Variants in ERAL1 observed in about 807,000 individuals in gnomAD.
The protein encoded by ERAL1 is Era like 12S mitochondrial rRNA chaperone 1.
ERAL1 carries 36 observed loss-of-function variants against 53.6 expected under a neutral mutation model. The ratio of observed to expected loss-of-function variants is 0.67; its 90% CI spans 0.51 to 0.89. The LOEUF is 0.89. ERAL1 is among the 40% of genes least tolerant of loss of function. ERAL1 has a pLI of 0.00. For synonymous variants in ERAL1, 215 were observed against 211.8 expected (o/e 1.02, Z -0.13); for missense variants, 512 against 537.5 (o/e 0.95, Z 0.47).
At chr17:28,860,011 T>C (rs2039288850) in intron 9 of ERAL1, among the ~76,000 whole-genome samples, 1 of 151,658 alleles carries the variant, frequency 6.6e-6, no homozygotes, top group African/African-American at 2.4e-5. Flanking sequence ...GTTCTTGCTC[T>C]GTCACTCAGG....
chr17:28,856,706 T>A, intron 3 of ERAL1, 124 bp downstream of exon 3: 1 of 856,876 alleles, frequency 1.2e-6, no homozygotes. Context: ...GGGGTTTCTT[T>A]TCTTTTTCTT....
rs762253323 is a variant in ERAL1, at chr17:28,858,617, G to A, written c.753G>A (p.Thr251=). 55 of 1,614,018 alleles carry A rather than the reference G, an allele frequency of 3.4e-5. No individual in the cohort carries two copies. The highest frequency in any genetic ancestry group is 2.5e-4 in the East Asian group (11 of 44,894). ...LKQKSVLLEL[T]AALTEGVVNG... ...AGAAGTCAGTTCTCCTGGAGCTCACGGCAGCCCTCACTGAAGGTGTGGTCA... is the reference window on the plus strand; with the variant it reads ...AGAAGTCAGTTCTCCTGGAGCTCACAGCAGCCCTCACTGAAGGTGTGGTCA... Residue 251 remains threonine (T), a synonymous_variant, in exon 7 of 10, where the codon ACG becomes ACA. Transcript: ENST00000254928.
intron 3 of ERAL1, 73 bp from the exon 4 acceptor site, chr17:28,857,866 G>A (rs1371444078): frequency 1.3e-6 from 2 of 1,517,196 alleles, no homozygotes; most frequent in African/African-American, 2.7e-5. Flanking sequence ...TGACATCACA[G>A]GTAGCCTCTC....
chr17:28,856,866 C>A (rs1237209911), intron 3 of ERAL1, among the ~76,000 whole-genome samples: 1 of 151,614 alleles, frequency 6.6e-6, no homozygotes, highest in Non-Finnish European at 1.5e-5. Flanking sequence ...CGCCTGCCAC[C>A]ACACCCAGCT....
rs1017688548 is a variant in ERAL1 at position 28,859,096 on chromosome 17, C to T, written c.1093C>T (p.Pro365Ser). 5.0e-6 allele frequency: 8 copies of T among 1,614,022 alleles called. No individual in the cohort carries two copies. The highest frequency in any genetic ancestry group is 6.8e-6 in the Non-Finnish European group (8 of 1,180,014). ...CCTAGAACACCTGCCCCAGGAGGTG[C>T]CTTACAATGTACAGCAGGTACAGAG... The part of the protein sequence containing the change: ...KLLEHLPQEV[P>S]YNVQQKTAVW... The change falls in exon 8 of 10, where the codon CCT (proline) becomes TCT (serine). Residue 365 changes from proline (P) to serine (S), a missense_variant. By Grantham distance (74) the Pro-to-Ser change is moderately conservative. Coordinates refer to ENST00000254928, the MANE Select transcript of ERAL1 (RefSeq NM_005702.4).
chr17:28,856,638 TCTCC>T (rs778045156), intron 3 of ERAL1, 56 bp downstream of exon 3: 14 of 1,486,366 alleles, frequency 9.4e-6, no homozygotes, highest in Non-Finnish European at 6.6e-6. Flanking sequence ...GCTAAGAGGG[TCTCC>T]CTTACCATCA....
intron 2 of ERAL1, 49 bp from the exon 3 acceptor site, chr17:28,856,456 G>A: frequency 6.2e-7 from 1 of 1,612,864 alleles, no homozygotes; most frequent in Non-Finnish European, 8.5e-7. Flanking sequence ...CTTCAAGGAT[G>A]GTCTTGGAGG....
chr17:28,857,192 C>T (rs527973354), intron 3 of ERAL1, among the ~76,000 whole-genome samples: 308 of 151,098 alleles, frequency 2.0e-3, no homozygotes, highest in Non-Finnish European at 3.5e-3. Flanking sequence ...ACTACAACCT[C>T]TGCCTCCCGG....
rs754060134 is a variant in ERAL1 at position 28,855,065 on chromosome 17, C to G, written c.31C>G (p.Leu11Val). 3.1e-6 allele frequency: 5 copies of G among 1,611,138 alleles called. No individual in the cohort carries two copies. Among genetic ancestry groups the G allele is most frequent in the Non-Finnish European group, 8.5e-7 (1 of 1,178,068 alleles). The change falls in exon 1 of 10, where the codon CTT becomes GTT. Residue 11 changes from leucine (L) to valine (V), a missense_variant. Leu to Val is a conservative substitution (Grantham distance 32, BLOSUM62 1). Coordinates refer to ENST00000254928, the MANE Select transcript of ERAL1 (RefSeq NM_005702.4). MAAPSWRGAR[L>V]VQSVLRVWQV... ...TGCCCCCAGCTGGCGCGGGGCTAGG[C>G]TTGTTCAATCGGTGTTAAGAGTCTG...
chr17:28,855,439 A>G, intron 1 of ERAL1, 122 bp downstream of exon 1: 1 of 1,167,400 alleles, frequency 8.6e-7, no homozygotes, highest in Non-Finnish European at 1.2e-6. Context: ...AGGGAGGAGC[A>G]GTGAAAAATC....
chr17:28,856,449 C>G (rs1412023629), intron 2 of ERAL1, 56 bp from the exon 3 acceptor site: 1 of 1,613,522 alleles, frequency 6.2e-7, no homozygotes, highest in Non-Finnish European at 8.5e-7. Flanking sequence ...GCCATGCCTT[C>G]AAGGATGGTC....
chr17:28,858,153 C>G lies in ERAL1; in HGVS notation c.544C>G (p.Leu182Val). Residue 182 changes from leucine to valine, a missense_variant, in exon 5 of 10, where the codon CTG becomes GTG. Leu to Val is a conservative substitution (Grantham distance 32). Transcript: ENST00000254928. ...ISPGKQKRHH[L>V]ELSLLEDPWK... ...TGTATGTCTGTCCCTCAGGCATCACCTGGAGCTCTCTTTGTTGGAAGATCC... is the reference window on the plus strand; with the variant it reads ...TGTATGTCTGTCCCTCAGGCATCACGTGGAGCTCTCTTTGTTGGAAGATCC... 5 of 1,614,092 alleles carry G rather than the reference C, an allele frequency of 3.1e-6. No homozygotes were observed. The highest frequency in any genetic ancestry group is 4.2e-6 in the Non-Finnish European group (5 of 1,180,026).
At chr17:28,857,801 CA>C in intron 3 of ERAL1, 137 bp from the exon 4 acceptor site, 1 of 1,020,292 alleles carries the variant, frequency 9.8e-7, no homozygotes, top group South Asian at 1.5e-5. Context: ...CAGAAAAAAA[CA>C]AAAAACAAAC....
rs2039274936 is a variant in ERAL1 at position 28,858,992 on chromosome 17, G to T, written c.989G>T (p.Gly330Val). 4 of 1,614,000 alleles carry T rather than the reference G, an allele frequency of 2.5e-6. No homozygotes were observed. The highest frequency in any genetic ancestry group is 3.3e-5 in the Admixed American group (2 of 59,998). Residue 330 changes from glycine to valine, a missense_variant, in exon 8 of 10, where the codon GGG (glycine) becomes GTG (valine). Physicochemically the swap from Gly to Val is moderately radical, Grantham distance 109. Transcript: ENST00000254928. ...TACCTTCTGACACAGGCCCAGCCAG[G>T]GCCCTGGGAGTACCACAGTGCAGTC... ...KQYLLTQAQP[G>V]PWEYHSAVLT...
chr17:28,856,673 C>A, intron 3 of ERAL1, 91 bp downstream of exon 3: 5 of 1,117,738 alleles, frequency 4.5e-6, no homozygotes, highest in South Asian at 1.2e-5. Flanking sequence ...AAATGATGGT[C>A]ACATTCATTT....
chr17:28,856,667 G>C, intron 3 of ERAL1, 85 bp downstream of exon 3: 1 of 1,200,112 alleles, frequency 8.3e-7, no homozygotes, highest in Non-Finnish European at 1.2e-6. Context: ...TGAAGAAAAT[G>C]ATGGTCACAT....
intron 1 of ERAL1, 91 bp downstream of exon 1, chr17:28,855,408 A>ATC: frequency 7.0e-7 from 1 of 1,424,888 alleles, no homozygotes; most frequent in Non-Finnish European, 9.2e-7. Context: ...ATTTTATAGA[A>ATC]AACAATTTTG....
In ERAL1 at chr17:28,860,538, G is replaced by A. The variant is rs765639645; in HGVS notation, c.1299G>A (p.Val433=). ...FLCDVDIRLS[V]KLLK ...GCGATGTTGACATCCGCCTCTCTGT[G>A]AAGCTCCTCAAGTGACCACCCTCTA... The change falls in exon 10 of 10, where the codon GTG becomes GTA. Residue 433 remains valine, a synonymous_variant. Coordinates refer to ENST00000254928, the MANE Select transcript of ERAL1 (RefSeq NM_005702.4). The A allele has an allele frequency of 1.9e-6, 3 of 1,602,508 alleles. No individual in the cohort carries two copies. Among genetic ancestry groups the A allele is most frequent in the Non-Finnish European group, 2.6e-6 (3 of 1,175,328 alleles).
In ERAL1 at chr17:28,859,386, TTTC is replaced by T. The variant is rs1598077738; in HGVS notation, c.1191+112_1191+114del. Reference sequence around the variant, plus strand: ...GCAGGACCATATCCTTCTCTCTTTTTTTCTTCTTCTTTTCTTTTTTTTGAGACA... The same window carrying T: ...GCAGGACCATATCCTTCTCTCTTTTTTTCTTCTTTTCTTTTTTTTGAGACA... On this transcript the variant is annotated intron_variant, in intron 9 of 9. Coordinates refer to ENST00000254928, the MANE Select transcript of ERAL1 (RefSeq NM_005702.4). The T allele has an allele frequency of 3.4e-5, 37 of 1,098,192 alleles. No homozygotes were observed. In the East Asian group the frequency reaches 4.6e-4, roughly 14 times the overall value. 68.0% of individuals were successfully genotyped at this position (1,098,192 alleles called of 1,614,324 possible).
Sources: allele counts gnomAD v4.1 joint callset (sites outside exome capture counted in the v4.1 genomes callset), GRCh38; gene constraint gnomAD v4.1.1; transcripts MANE v1.5; gene names NCBI Gene and HGNC (gene_info 2026-07-23, HGNC 2026-07-21).